CLVS1: variants seen among roughly 807,000 people sequenced by gnomAD.
CLVS1 encodes the protein clavesin-1.
CLVS1 carries 10 observed loss-of-function variants against 33.1 expected under a neutral mutation model. That is an observed-to-expected ratio of 0.30 (90% CI 0.19 to 0.51). The LOEUF (loss-of-function observed/expected upper bound fraction) is 0.51. Ranked by LOEUF, CLVS1 falls within the 20% of genes least tolerant of loss-of-function variation. CLVS1 has a pLI of 0.97. For missense variants in CLVS1, 343 were observed against 433.4 expected (o/e 0.79, Z 1.85); for synonymous variants, 163 against 166.1 (o/e 0.98, Z 0.14).
intron 2 of CLVS1, among the ~76,000 whole-genome samples, chr8:61,306,733 C>G (rs1241830689): frequency 6.6e-6 from 1 of 152,168 alleles, no homozygotes; most frequent in Non-Finnish European, 1.5e-5. Flanking sequence ...ATACTGTTCT[C>G]CATAGTAGCT....
chr8:61,187,506 G>A (rs1347657124), intron 2 of CLVS1, among the ~76,000 whole-genome samples: 1 of 152,080 alleles, frequency 6.6e-6, no homozygotes, highest in East Asian at 1.9e-4. Flanking sequence ...ACATTGTGAT[G>A]TATATGGTAC....
At chr8:61,338,747 A>G (rs1223342409) in intron 2 of CLVS1, among the ~76,000 whole-genome samples, 2 of 152,100 alleles carry the variant, frequency 1.3e-5, no homozygotes, top group African/African-American at 4.8e-5. Flanking sequence ...AGGGCTGACA[A>G]ACACGCCGAG....
At chr8:61,344,339 A>T (rs1812126485) in intron 2 of CLVS1, among the ~76,000 whole-genome samples, 1 of 152,120 alleles carries the variant, frequency 6.6e-6, no homozygotes, top group Non-Finnish European at 1.5e-5. Context: ...GAGCCACCGC[A>T]CTCGGCCTAG....
At chr8:61,446,314 A>C (rs1269917425) in intron 3 of CLVS1, among the ~76,000 whole-genome samples, 3 of 152,186 alleles carry the variant, frequency 2.0e-5, no homozygotes, top group African/African-American at 7.2e-5. Flanking sequence ...TTCCCTGTCA[A>C]CAGTGCCTTA....
intron 5 of CLVS1, among the ~76,000 whole-genome samples, chr8:61,474,893 C>A (rs1444506484): frequency 1.3e-5 from 2 of 152,140 alleles, no homozygotes; most frequent in East Asian, 3.9e-4. Context: ...TGTGCTGCAC[C>A]CGTTAACTCG....
rs556466064 is a variant in CLVS1, at chr8:61,216,899, G to A, written c.-151-82778G>A. 1.3e-4 allele frequency among the ~76,000 whole-genome samples: 20 copies of A among 151,988 alleles called. No individual in the cohort carries two copies. In the South Asian group the frequency reaches 4.0e-3, roughly 30 times the overall value. ...TTGAAAACATATCATTCAATTCCTG[G>A]GCCATTATACATATATTTTCCTTCT... is the stretch of plus-strand genomic sequence containing the variant. On this transcript the variant is annotated intron_variant, in intron 2 of 2. Coordinates refer to the CLVS1 transcript ENST00000522621.
the CLVS1 span, among the ~76,000 whole-genome samples, chr8:61,030,697 G>T: frequency 5.3e-5 from 8 of 152,222 alleles, no homozygotes; most frequent in African/African-American, 1.9e-4. Context: ...TATTTATTGA[G>T]CCCATATTAT....
At chr8:60,978,571 T>G in the CLVS1 span, among the ~76,000 whole-genome samples, 1 of 151,880 alleles carries the variant, frequency 6.6e-6, no homozygotes, top group African/African-American at 2.4e-5. Context: ...TCCCAGCACT[T>G]TGGAAGGCCG....
intron 2 of CLVS1, among the ~76,000 whole-genome samples, chr8:61,152,356 C>CT (rs1806555583): frequency 6.6e-6 from 1 of 152,202 alleles, no homozygotes; most frequent in Non-Finnish European, 1.5e-5. Context: ...TAACTACCTC[C>CT]TGTCTCAGCC....
chr8:61,408,443 C>G (rs892581371), intron 3 of CLVS1, among the ~76,000 whole-genome samples: 1 of 152,202 alleles, frequency 6.6e-6, no homozygotes, highest in African/African-American at 2.4e-5. Context: ...GCCCAACTCA[C>G]CTGCCCCAAG....
At chr8:61,329,174 G>A (rs2129597041) in intron 2 of CLVS1, among the ~76,000 whole-genome samples, 1 of 151,790 alleles carries the variant, frequency 6.6e-6, no homozygotes, top group Non-Finnish European at 1.5e-5. Flanking sequence ...AACCTTTAGA[G>A]AGTAGGCAGC....
chr8:61,382,551 C>T (rs924497393), intron 3 of CLVS1, among the ~76,000 whole-genome samples: 3 of 152,150 alleles, frequency 2.0e-5, no homozygotes, highest in East Asian at 3.9e-4. Context: ...ACAAGTCCTT[C>T]GGGTGATTTG....
chr8:61,304,905 C>G (rs1310125865), intron 2 of CLVS1, among the ~76,000 whole-genome samples: 1 of 152,232 alleles, frequency 6.6e-6, no homozygotes, highest in African/African-American at 2.4e-5. Context: ...GGGGCTGTTG[C>G]AAGAATTAAT....
chr8:61,326,875 T>G (rs1328364490), intron 2 of CLVS1, among the ~76,000 whole-genome samples: 5 of 152,226 alleles, frequency 3.3e-5, no homozygotes, highest in Non-Finnish European at 5.9e-5. Flanking sequence ...CTTCTGATGA[T>G]GTAGGAGGAT....
At position 61,376,595 on chromosome 8, in the gene CLVS1, C is replaced by T. The variant is rs1300828096; in HGVS notation, c.456-10C>T. On this transcript the variant is annotated splice_polypyrimidine_tract_variant and intron_variant, in intron 2 of 5. Coordinates refer to ENST00000325897, the MANE Select transcript of CLVS1 (RefSeq NM_173519.3). ...TTCACACACAGCTCTCCTTTCTGCT[C>T]TGGCTGCAGGAACTCCTTCACAGAC... 4 of 1,611,916 alleles carry T rather than the reference C, an allele frequency of 2.5e-6. No homozygotes were observed. The African/African-American group carries it at 4.0e-5, about 16-fold the overall frequency.
At chr8:61,201,794 G>A (rs960864217) in intron 2 of CLVS1, among the ~76,000 whole-genome samples, 1 of 152,124 alleles carries the variant, frequency 6.6e-6, no homozygotes, top group Non-Finnish European at 1.5e-5. Flanking sequence ...GTTCCCCACT[G>A]CCGTAAAGAA....
At position 61,458,409 on chromosome 8, in the gene CLVS1, A is replaced by G; in HGVS notation, c.844A>G (p.Thr282Ala). The G allele has an allele frequency of 1.2e-6, 2 of 1,614,134 alleles. No individual in the cohort carries two copies. The highest frequency in any genetic ancestry group is 1.7e-6 in the Non-Finnish European group (2 of 1,179,988). ...GGTLPPYDMGTWARTLLGPDY... is the reference protein window; with the variant it reads ...GGTLPPYDMGAWARTLLGPDY... ...AACTCTTCCTCCTTATGACATGGGA[A>G]CTTGGGCCCGGACGTTACTCGGTCC... is the stretch of plus-strand genomic sequence containing the variant. The change falls in exon 5 of 6, where the codon ACT becomes GCT. Residue 282 changes from threonine to alanine, a missense_variant. Transcript: ENST00000325897.
At chr8:61,347,305 G>A (rs775013605) in intron 2 of CLVS1, among the ~76,000 whole-genome samples, 1 of 152,092 alleles carries the variant, frequency 6.6e-6, no homozygotes, top group African/African-American at 2.4e-5. Flanking sequence ...CAGTCCTGAC[G>A]CTACTTCCTG....
At chr8:61,187,857 A>G (rs1807375038) in intron 2 of CLVS1, among the ~76,000 whole-genome samples, 1 of 149,452 alleles carries the variant, frequency 6.7e-6, no homozygotes, top group Non-Finnish European at 1.5e-5. Flanking sequence ...ACATATATGT[A>G]ATATTTATTT....
Sources: allele counts gnomAD v4.1 joint callset (sites outside exome capture counted in the v4.1 genomes callset), GRCh38; gene constraint gnomAD v4.1.1; transcripts MANE v1.5; gene names NCBI Gene and HGNC (gene_info 2026-07-23, HGNC 2026-07-21).